The following ARMC2 variants were observed in gnomAD, a reference collection of about 807,000 sequenced individuals.
ARMC2 encodes the protein armadillo repeat-containing protein 2.
In ARMC2, 67 loss-of-function variants were observed where a neutral mutation model predicts 90.3. That is an observed-to-expected ratio of 0.74 (90% CI 0.61 to 0.91). The LOEUF (loss-of-function observed/expected upper bound fraction) is 0.91, where lower values mean the gene tolerates loss of function less well. Ranked by LOEUF, ARMC2 falls within the 40% of genes least tolerant of loss-of-function variation. The pLI is 0.00. For synonymous variants in ARMC2, 393 were observed against 393.0 expected (o/e 1.00, Z 0.00); for missense variants, 920 against 1,030.9 (o/e 0.89, Z 1.47).
the ARMC2 span, chr6:108,988,727 T>C: frequency 6.7e-7 from 1 of 1,502,586 alleles, no homozygotes; most frequent in Non-Finnish European, 9.0e-7. Flanking sequence ...ATTTTCAGTG[T>C]ATAACCTGTT....
chr6:108,901,417 A>ATT lies in ARMC2; in HGVS notation c.847+1635_847+1636dup, dbSNP rs55855100. Among the ~76,000 whole-genome samples, 77 of 145,308 alleles carry ATT rather than the reference A, an allele frequency of 5.3e-4. 1 individual carries two copies. Among genetic ancestry groups the ATT allele is most frequent in the African/African-American group, 6.6e-4 (26 of 39,264 alleles). Reference sequence around the variant, plus strand: ...GGCATGAGCCACCGCACCTGGCCTAATTTTTTTTTTTCTTTTGAGACAGAG... The same window carrying ATT: ...GGCATGAGCCACCGCACCTGGCCTAATTTTTTTTTTTTTCTTTTGAGACAGAG... On this transcript the variant is annotated intron_variant, in intron 7 of 17. Transcript: ENST00000392644.
intron 12 of ARMC2, among the ~76,000 whole-genome samples, chr6:108,938,983 T>A (rs1381202346): frequency 6.6e-6 from 1 of 152,090 alleles, no homozygotes; most frequent in East Asian, 1.9e-4. Context: ...TCCTAAAGTT[T>A]TTTTTTGTTT....
chr6:109,037,950 T>C, the ARMC2 span, among the ~76,000 whole-genome samples: 3 of 152,338 alleles, frequency 2.0e-5, no homozygotes, highest in East Asian at 5.8e-4. Context: ...AAAATGCAAG[T>C]ACCCTGAAAA....
chr6:109,045,576 C>G, the ARMC2 span, among the ~76,000 whole-genome samples: 1 of 152,222 alleles, frequency 6.6e-6, no homozygotes, highest in Admixed American at 6.5e-5. Context: ...ATGCTAATCT[C>G]TCTGACCAGA....
the ARMC2 span, among the ~76,000 whole-genome samples, chr6:109,042,293 C>T: frequency 3.3e-5 from 5 of 151,060 alleles, no homozygotes. Flanking sequence ...ATGTCAAGAG[C>T]CTAGGGAAAG....
intron 5 of ARMC2, among the ~76,000 whole-genome samples, chr6:108,892,739 AC>A (rs1262542726): frequency 1.3e-5 from 2 of 149,754 alleles, no homozygotes; most frequent in African/African-American, 4.9e-5. Flanking sequence ...AGCCTGGGCA[AC>A]AAGAGTGAAA....
chr6:108,969,578 A>ACT (rs1055280542), intron 17 of ARMC2, among the ~76,000 whole-genome samples: 3 of 152,236 alleles, frequency 2.0e-5, no homozygotes, highest in African/African-American at 7.2e-5. Context: ...TCTTTAAAAA[A>ACT]TGAAGTAGCA....
the ARMC2 span, among the ~76,000 whole-genome samples, chr6:109,045,853 T>C: frequency 1.3e-5 from 2 of 152,108 alleles, no homozygotes; most frequent in Non-Finnish European, 2.9e-5. Flanking sequence ...GCATGGAATG[T>C]TACACAGAGT....
At chr6:108,899,611 G>C (rs1771923875) in intron 6 of ARMC2, 83 bp from the exon 7 acceptor site, 4 of 959,096 alleles carry the variant, frequency 4.2e-6, no homozygotes, top group Non-Finnish European at 6.5e-6. Flanking sequence ...TAATTGTAGT[G>C]ATGAATAGTA....
intron 7 of ARMC2, among the ~76,000 whole-genome samples, chr6:108,900,122 A>G (rs1016299277): frequency 1.3e-5 from 2 of 152,204 alleles, no homozygotes; most frequent in Non-Finnish European, 2.9e-5. Context: ...TTCATACTCA[A>G]GAAAGTAAAA....
intron 10 of ARMC2, among the ~76,000 whole-genome samples, chr6:108,921,001 A>G (rs1583121929): frequency 6.6e-6 from 1 of 152,310 alleles, no homozygotes; most frequent in East Asian, 1.9e-4. Flanking sequence ...TTTGCTCTCA[A>G]TTAGTGCTCT....
rs142422212 is a variant in ARMC2 at position 108,882,345 on chromosome 6, A to G, written c.671+5995A>G. Among the ~76,000 whole-genome samples, 635 of 152,012 alleles carry G rather than the reference A, an allele frequency of 4.2e-3. 3 individuals are homozygous for G. The highest frequency in any genetic ancestry group is 0.014 in the African/African-American group (595 of 41,464). On this transcript the variant is annotated intron_variant, in intron 5 of 17. Coordinates refer to ENST00000392644, the MANE Select transcript of ARMC2 (RefSeq NM_032131.6). ...TCCCAGCTACTCGGGAGGTTGAGGCAGGAGAATGGCGTGAACCCGGGAGGC... is the reference window on the plus strand; with the variant it reads ...TCCCAGCTACTCGGGAGGTTGAGGCGGGAGAATGGCGTGAACCCGGGAGGC...
At chr6:109,052,455 A>T in the ARMC2 span, among the ~76,000 whole-genome samples, 1 of 152,332 alleles carries the variant, frequency 6.6e-6, no homozygotes, top group Non-Finnish European at 1.5e-5. Flanking sequence ...TGGTATATTT[A>T]CTTTCAGTTC....
Position 108,876,204 on chromosome 6 carries a change from T to C in ARMC2, c.525T>C (p.Asn175=), listed in dbSNP as rs756117315. 12 of 1,612,824 alleles carry C rather than the reference T, an allele frequency of 7.4e-6. No homozygotes were observed. The East Asian group carries it at 1.3e-4, about 18-fold the overall frequency. ...VMMGDSMVKI[N]GIYLTKSNAI... The stretch of plus-strand genomic sequence containing the variant: ...TGGGGGACTCTATGGTGAAAATAAA[T>C]GGGATTTATTTAACAAAATCAAATG... The change falls in exon 5 of 18, where the codon AAT becomes AAC. Residue 175 remains asparagine, a synonymous_variant. Transcript: ENST00000392644.
intron 10 of ARMC2, among the ~76,000 whole-genome samples, chr6:108,922,446 T>C (rs1360659352): frequency 6.6e-6 from 1 of 152,164 alleles, no homozygotes; most frequent in African/African-American, 2.4e-5. Context: ...CCCCATATTT[T>C]AAGACAAATA....
chr6:108,887,600 A>G (rs1410135538), intron 5 of ARMC2, among the ~76,000 whole-genome samples: 2 of 152,210 alleles, frequency 1.3e-5, no homozygotes, highest in Non-Finnish European at 2.9e-5. Flanking sequence ...ACCTGTCCAC[A>G]TTCAGGTTAT....
intron 2 of ARMC2, among the ~76,000 whole-genome samples, chr6:108,857,171 T>C (rs949069299): frequency 6.6e-6 from 1 of 152,248 alleles, no homozygotes; most frequent in Non-Finnish European, 1.5e-5. Flanking sequence ...AACTGACATA[T>C]TGACAATATT....
At chr6:108,885,898 A>G (rs1304184244) in intron 5 of ARMC2, among the ~76,000 whole-genome samples, 1 of 152,134 alleles carries the variant, frequency 6.6e-6, no homozygotes, top group Non-Finnish European at 1.5e-5. Flanking sequence ...TTTGTAAATA[A>G]ACTGTATTGG....
chr6:108,941,321 T>C (rs1776419210), intron 12 of ARMC2, among the ~76,000 whole-genome samples: 1 of 152,124 alleles, frequency 6.6e-6, no homozygotes, highest in Non-Finnish European at 1.5e-5. Flanking sequence ...TTTAAGACTT[T>C]AACATAGCTG....
Sources: gnomAD v4.1 joint callset for allele counts (sites outside exome capture counted in the v4.1 genomes callset) on GRCh38, gnomAD v4.1.1 for gene constraint, MANE v1.5 for transcripts, NCBI Gene and HGNC (gene_info 2026-07-23, HGNC 2026-07-21) for gene names.